The following ASIC2 variants were observed in gnomAD, a reference collection of about 807,000 sequenced individuals.
ASIC2 encodes the protein acid-sensing ion channel 2.
Under a neutral mutation model 57.3 loss-of-function variants are expected in ASIC2, and 25 were observed. That is an observed-to-expected ratio of 0.44 (90% CI 0.32 to 0.61). ASIC2 has a LOEUF of 0.61. ASIC2 is among the 20% of genes least tolerant of loss of function. The probability of loss-of-function intolerance (pLI) is 0.06; values close to 1 mark genes in which losing one functional copy is unlikely to be tolerated. For missense variants in ASIC2, 641 were observed against 738.1 expected (o/e 0.87, Z 1.52); for synonymous variants, 319 against 307.5 (o/e 1.04, Z -0.39).
At chr17:33,346,735 G>A (rs1421199572) in intron 1 of ASIC2, among the ~76,000 whole-genome samples, 1 of 152,122 alleles carries the variant, frequency 6.6e-6, no homozygotes, top group Admixed American at 6.6e-5. Flanking sequence ...GATTACTAAG[G>A]GAAATGAACA....
chr17:33,157,352 G>A (rs1597608503), intron 1 of ASIC2, among the ~76,000 whole-genome samples: 2 of 152,102 alleles, frequency 1.3e-5, no homozygotes, highest in South Asian at 2.1e-4. Context: ...GATAGGCACC[G>A]TGATGCCCAT....
At chr17:34,111,634 T>G (rs1911278160) in intron 1 of ASIC2, among the ~76,000 whole-genome samples, 2 of 152,304 alleles carry the variant, frequency 1.3e-5, no homozygotes, top group African/African-American at 4.8e-5. Context: ...GAACAATGGC[T>G]AAGTGACTTA....
chr17:33,312,829 G>A (rs980760828), intron 1 of ASIC2, among the ~76,000 whole-genome samples: 1 of 151,880 alleles, frequency 6.6e-6, no homozygotes, highest in African/African-American at 2.4e-5. Context: ...CTGGCTCTTC[G>A]GGAAGCCGAG....
At chr17:33,850,630 G>T (rs1376490089) in intron 1 of ASIC2, among the ~76,000 whole-genome samples, 2 of 152,152 alleles carry the variant, frequency 1.3e-5, no homozygotes, top group Non-Finnish European at 2.9e-5. Context: ...TGTTTCCTCT[G>T]GGCTATGATC....
chr17:33,328,362 C>T (rs933021397), intron 1 of ASIC2, among the ~76,000 whole-genome samples: 5 of 152,152 alleles, frequency 3.3e-5, no homozygotes, highest in Non-Finnish European at 7.3e-5. Context: ...GCAAAGGTAG[C>T]TGGGCAAAGT....
chr17:33,140,360 G>A (rs1333136363), intron 1 of ASIC2, among the ~76,000 whole-genome samples: 1 of 152,210 alleles, frequency 6.6e-6, no homozygotes, highest in Admixed American at 6.5e-5. Flanking sequence ...GCAACATGGT[G>A]TAGTGGAAAA....
chr17:34,095,670 T>TAG (rs796583537), intron 1 of ASIC2, among the ~76,000 whole-genome samples: 4 of 92,798 alleles, frequency 4.3e-5, no homozygotes, highest in African/African-American at 1.4e-4. Context: ...TATATATATA[T>TAG]AGAGAGAGAG....
chr17:33,149,742 ATTTTAAT>A (rs1352929721), intron 1 of ASIC2, among the ~76,000 whole-genome samples: 6 of 152,208 alleles, frequency 3.9e-5, no homozygotes, highest in Admixed American at 2.6e-4. Context: ...CATCACTATT[ATTTTAAT>A]TTTTAATTTA....
intron 1 of ASIC2, among the ~76,000 whole-genome samples, chr17:33,595,952 G>C (rs1904966225): frequency 6.6e-6 from 1 of 152,214 alleles, no homozygotes; most frequent in Admixed American, 6.5e-5. Flanking sequence ...CTCCCCCTCA[G>C]TAGAGTCTAT....
chr17:33,846,788 G>A lies in ASIC2; in HGVS notation c.555+309190C>T, dbSNP rs571624185. 3.1e-4 allele frequency among the ~76,000 whole-genome samples: 47 copies of A among 150,734 alleles called. 1 individual carries two copies. Among genetic ancestry groups the A allele is most frequent in the African/African-American group, 1.1e-3 (44 of 40,964 alleles). On this transcript the variant is annotated intron_variant, in intron 1 of 9. Transcript: ENST00000359872. ...CGCCCAGGCTGGAGTGCAGTGGCAC[G>A]ATCTCGGCTCACTGCAAGCTCTGCC...
chr17:34,042,186 A>C (rs747266640), intron 1 of ASIC2, among the ~76,000 whole-genome samples: 4 of 152,174 alleles, frequency 2.6e-5, no homozygotes, highest in Non-Finnish European at 4.4e-5. Context: ...AAATGTAAAC[A>C]ACCACTTATT....
At chr17:33,448,211 GC>G (rs1451200881) in intron 1 of ASIC2, among the ~76,000 whole-genome samples, 1 of 152,038 alleles carries the variant, frequency 6.6e-6, no homozygotes, top group Non-Finnish European at 1.5e-5. Flanking sequence ...ACTGCCAAAT[GC>G]CATTTTTTGG....
chr17:34,110,163 T>C (rs531779146), intron 1 of ASIC2, among the ~76,000 whole-genome samples: 1 of 152,292 alleles, frequency 6.6e-6, no homozygotes, highest in African/African-American at 2.4e-5. Context: ...AAGAACAACC[T>C]TAAGGAGATG....
intron 1 of ASIC2, among the ~76,000 whole-genome samples, chr17:33,339,363 C>A (rs1907642093): frequency 6.6e-6 from 1 of 152,172 alleles, no homozygotes; most frequent in African/African-American, 2.4e-5. Flanking sequence ...CTACTCAACT[C>A]TCCTGTTGTA....
In ASIC2 at chr17:33,706,174, G is replaced by A. The variant is rs565764934; in HGVS notation, c.555+449804C>T. 4.1e-5 allele frequency among the ~76,000 whole-genome samples: 6 copies of A among 146,686 alleles called. No individual in the cohort carries two copies. In the East Asian group the frequency reaches 1.2e-3, roughly 29 times the overall value. ...TGGTTGAATCTGTAGTCATATGTGT[G>A]TGTGTGTGTATGACTATACATATAT... On this transcript the variant is annotated intron_variant, in intron 1 of 9. Coordinates refer to the ASIC2 transcript ENST00000359872.
chr17:34,084,278 CCA>C (rs913926942), intron 1 of ASIC2, among the ~76,000 whole-genome samples: 1 of 152,030 alleles, frequency 6.6e-6, no homozygotes, highest in Non-Finnish European at 1.5e-5. Context: ...GCCAGTTTTC[CCA>C]GCACCATTTA....
At chr17:33,670,683 T>G (rs1246960026) in intron 1 of ASIC2, among the ~76,000 whole-genome samples, 2 of 152,202 alleles carry the variant, frequency 1.3e-5, no homozygotes, top group South Asian at 2.1e-4. Flanking sequence ...AATGGAAACG[T>G]GAGCACACTT....
chr17:34,039,747 G>A (rs896905871), intron 1 of ASIC2: 33 of 1,612,162 alleles, frequency 2.0e-5, no homozygotes, highest in Non-Finnish European at 2.7e-5. Flanking sequence ...TCAAGGATCC[G>A]ACGCTGCACA....
intron 1 of ASIC2, among the ~76,000 whole-genome samples, chr17:34,063,429 G>A (rs1276232051): frequency 6.6e-6 from 1 of 152,080 alleles, no homozygotes; most frequent in East Asian, 1.9e-4. Flanking sequence ...ATGAGGAAAA[G>A]TTGAAAGCAT....
Sources: allele counts gnomAD v4.1 joint callset (sites outside exome capture counted in the v4.1 genomes callset), GRCh38; gene constraint gnomAD v4.1.1; transcripts MANE v1.5; gene names NCBI Gene and HGNC (gene_info 2026-07-23, HGNC 2026-07-21).